The following TEX9 variants were observed in gnomAD, a reference collection of about 807,000 sequenced individuals.
TEX9 encodes testis expressed 9.
Under a neutral mutation model 59.6 loss-of-function variants are expected in TEX9, and 74 were observed. The observed-to-expected ratio is 1.24, with a 90% CI of 1.03 to 1.51. TEX9 has a LOEUF of 1.51. Ranked by LOEUF, TEX9 falls within the 40% of genes most tolerant of loss-of-function variation. TEX9 has a pLI of 0.00. For missense variants in TEX9, 522 were observed against 447.8 expected, an observed-to-expected ratio of 1.17 and a Z score of -1.49; for synonymous variants, 186 against 152.2, an observed-to-expected ratio of 1.22 and a Z score of -1.64.
At chr15:56,312,075 T>G (rs559118662) in intron 1 of TEX9, among the ~76,000 whole-genome samples, 2 of 150,790 alleles carry the variant, frequency 1.3e-5, no homozygotes, top group East Asian at 3.9e-4. Flanking sequence ...TTGCGAAAAT[T>G]TTCTCCCATT....
At chr15:56,419,524 T>C (rs532025847) in intron 10 of TEX9, among the ~76,000 whole-genome samples, 1 of 152,064 alleles carries the variant, frequency 6.6e-6, no homozygotes, top group East Asian at 1.9e-4. Context: ...ATTGAAATTA[T>C]ATTTTTCTTT....
chr15:56,337,088 C>T (rs1413865285), intron 1 of TEX9, among the ~76,000 whole-genome samples: 1 of 152,126 alleles, frequency 6.6e-6, no homozygotes, highest in Non-Finnish European at 1.5e-5. Flanking sequence ...ACCCTGGATT[C>T]TAGTTAGTCT....
At chr15:56,439,712 C>G (rs1233963872) in intron 12 of TEX9, among the ~76,000 whole-genome samples, 13 of 147,058 alleles carry the variant, frequency 8.8e-5, no homozygotes, top group Middle Eastern at 3.5e-3. Flanking sequence ...AAAATTAACT[C>G]AAAACAGATC....
intron 1 of TEX9, among the ~76,000 whole-genome samples, chr15:56,309,603 T>C (rs1464350458): frequency 6.6e-6 from 1 of 151,346 alleles, no homozygotes; most frequent in Non-Finnish European, 1.5e-5. Context: ...TATTTTTTAA[T>C]GGAAAAGCTT....
chr15:56,356,595 A>G (rs187970029), intron 1 of TEX9, among the ~76,000 whole-genome samples: 2 of 152,250 alleles, frequency 1.3e-5, no homozygotes, highest in East Asian at 3.9e-4. Context: ...CTCATCTTGC[A>G]ATACAGTATT....
chr15:56,325,961 C>T (rs373764180), intron 1 of TEX9, among the ~76,000 whole-genome samples: 4 of 152,142 alleles, frequency 2.6e-5, no homozygotes, highest in African/African-American at 4.8e-5. Context: ...AATGAACATA[C>T]GGTCCCCAAT....
intron 1 of TEX9, among the ~76,000 whole-genome samples, chr15:56,283,056 G>A (rs1425228737): frequency 1.4e-5 from 2 of 140,724 alleles, no homozygotes; most frequent in African/African-American, 3.1e-5. Context: ...TGTGGTGTGT[G>A]TGTGTGTGTG....
intron 10 of TEX9, among the ~76,000 whole-genome samples, chr15:56,413,247 T>C (rs2049479048): frequency 6.9e-6 from 1 of 144,386 alleles, no homozygotes; most frequent in Admixed American, 7.1e-5. Flanking sequence ...CTTAAATAAT[T>C]TAATTTATTT....
At chr15:56,336,115 T>A (rs1045163909) in intron 1 of TEX9, among the ~76,000 whole-genome samples, 1 of 152,188 alleles carries the variant, frequency 6.6e-6, no homozygotes, top group Non-Finnish European at 1.5e-5. Context: ...CTCAGAGTAC[T>A]TGTTATTTGT....
intron 1 of TEX9, among the ~76,000 whole-genome samples, chr15:56,293,814 T>G (rs1391964554): frequency 1.3e-5 from 2 of 152,248 alleles, no homozygotes; most frequent in African/African-American, 4.8e-5. Context: ...CATCCATGAC[T>G]TCATGCAGGG....
At chr15:56,376,565 G>A (rs111810261) in intron 3 of TEX9, among the ~76,000 whole-genome samples, 1 of 152,066 alleles carries the variant, frequency 6.6e-6, no homozygotes, top group Non-Finnish European at 1.5e-5. Context: ...CTTGAGAAAT[G>A]TCTATTCAGA....
chr15:56,428,462 G>A (rs766367298), exon 12 of TEX9: 1 of 1,575,730 alleles, frequency 6.3e-7, no homozygotes, highest in Admixed American at 1.7e-5. Flanking sequence ...ACTTCAGTTA[G>A]TCTCTATGAC....
At chr15:56,366,753 G>A (rs2046964452) in intron 2 of TEX9, among the ~76,000 whole-genome samples, 1 of 152,106 alleles carries the variant, frequency 6.6e-6, no homozygotes, top group African/African-American at 2.4e-5. Context: ...GTATCAGAGG[G>A]TTAAACTAGA....
At chr15:56,366,395 G>C (rs1446949311) in intron 2 of TEX9, among the ~76,000 whole-genome samples, 1 of 152,046 alleles carries the variant, frequency 6.6e-6, no homozygotes, top group African/African-American at 2.4e-5. Flanking sequence ...TGGCCTTTTA[G>C]TTCCAAAAAC....
intron 10 of TEX9, among the ~76,000 whole-genome samples, chr15:56,426,589 G>GTGTGTATA (rs1382910271): frequency 4.1e-5 from 1 of 24,306 alleles, no homozygotes; most frequent in Non-Finnish European, 1.7e-4. Context: ...TTGAAAAGGT[G>GTGTGTATA]TATATATATA....
chr15:56,456,093 C>T, the TEX9 span, among the ~76,000 whole-genome samples: 4 of 152,006 alleles, frequency 2.6e-5, no homozygotes, highest in African/African-American at 4.8e-5. Flanking sequence ...CTAGTTATTA[C>T]CTAAGGTTTC....
At chr15:56,263,298 C>A (rs1358720369) in intron 1 of TEX9, among the ~76,000 whole-genome samples, 1 of 152,174 alleles carries the variant, frequency 6.6e-6, no homozygotes, top group Non-Finnish European at 1.5e-5. Flanking sequence ...TCTGGGATTA[C>A]AGGCGTGAGC....
chr15:56,254,399 A>G (rs12595690), intron 1 of TEX9, among the ~76,000 whole-genome samples: 19,491 of 151,752 alleles, frequency 0.13, 1,629 homozygotes, highest in East Asian at 0.43. Flanking sequence ...ACTGCTACTC[A>G]CATTCCCTTC....
chr15:56,365,344 C>T (rs1412634875), upstream of TEX9: 3 of 1,429,616 alleles, frequency 2.1e-6, no homozygotes, highest in Admixed American at 4.9e-5. Flanking sequence ...CAGCACAGAA[C>T]CTGAGAGTGG....
Sources: gnomAD v4.1 joint callset for allele counts (sites outside exome capture counted in the v4.1 genomes callset) on GRCh38, gnomAD v4.1.1 for gene constraint, MANE v1.5 for transcripts, NCBI Gene and HGNC (gene_info 2026-07-23, HGNC 2026-07-21) for gene names.